TOX2: variants seen among roughly 807,000 people sequenced by gnomAD.
TOX2 encodes the protein TOX high mobility group box family member 2.
In TOX2, 15 loss-of-function variants were observed where a neutral mutation model predicts 47.4. That is an observed-to-expected ratio of 0.32 (90% CI 0.21 to 0.49). TOX2 has a LOEUF of 0.49. Ranked by LOEUF, TOX2 falls within the 20% of genes least tolerant of loss-of-function variation. TOX2 has a pLI of 0.99. For missense variants in TOX2, 622 were observed against 673.1 expected (o/e 0.92, Z 0.84); for synonymous variants, 290 against 296.6 (o/e 0.98, Z 0.23).
In TOX2 at chr20:44,069,064, T is replaced by C. The variant is rs1300214135; in HGVS notation, c.*378T>C. 2 of 398,394 alleles carry C rather than the reference T, an allele frequency of 5.0e-6. No individual in the cohort carries two copies. Among genetic ancestry groups the C allele is most frequent in the Non-Finnish European group, 9.7e-6 (2 of 205,772 alleles). The allele number at this position is 398,394 out of a possible 1,614,324, so 24.7% of individuals were successfully genotyped here. ...CCAACGGACACCCACCCCAGATGCA[T>C]GGGCCAGAGGGCCGGCCCCCGGCAT... On this transcript the variant is annotated 3_prime_UTR_variant, in exon 9 of 9. Coordinates refer to ENST00000341197, the MANE Select transcript of TOX2 (RefSeq NM_001098797.2).
intron 3 of TOX2, chr20:44,039,093 T>C: frequency 7.8e-7 from 1 of 1,274,744 alleles, no homozygotes; most frequent in Non-Finnish European, 1.0e-6. Context: ...TGCCTGGTGC[T>C]GGGAGGCAGG....
intron 2 of TOX2, among the ~76,000 whole-genome samples, chr20:43,977,739 AG>A (rs760139754): frequency 2.0e-5 from 3 of 152,118 alleles, no homozygotes; most frequent in Non-Finnish European, 4.4e-5. Context: ...CCTGAGAATG[AG>A]ATATAATTCT....
intron 5 of TOX2, among the ~76,000 whole-genome samples, chr20:44,058,044 C>T (rs564207388): frequency 1.4e-4 from 22 of 152,232 alleles, no homozygotes; most frequent in South Asian, 4.1e-4. Flanking sequence ...AGACAGAGCA[C>T]GGAGACTCAC....
At chr20:44,053,445 C>T (rs200712977) in intron 4 of TOX2, among the ~76,000 whole-genome samples, 63,653 of 140,966 alleles carry the variant, frequency 0.45, 14,908 homozygotes, top group East Asian at 0.56. Flanking sequence ...TATATACACA[C>T]ACACACACAC....
At chr20:43,960,989 G>A (rs1444230704) in intron 1 of TOX2, among the ~76,000 whole-genome samples, 4 of 152,254 alleles carry the variant, frequency 2.6e-5, no homozygotes, top group African/African-American at 9.6e-5. Context: ...CACAGTGAGT[G>A]GTGCCTGTCT....
At chr20:43,970,667 G>A (rs1387302099) in intron 1 of TOX2, among the ~76,000 whole-genome samples, 1 of 152,158 alleles carries the variant, frequency 6.6e-6, no homozygotes, top group Non-Finnish European at 1.5e-5. Context: ...ATGATCAATG[G>A]CCATGGTCAC....
At chr20:43,931,622 G>A (rs563101569) in intron 1 of TOX2, among the ~76,000 whole-genome samples, 12 of 152,316 alleles carry the variant, frequency 7.9e-5, no homozygotes, top group African/African-American at 2.9e-4. Context: ...CTTGGACGTT[G>A]ACTTAAGAGC....
intron 8 of TOX2, among the ~76,000 whole-genome samples, chr20:44,067,854 C>T (rs1037243694): frequency 6.6e-6 from 1 of 152,182 alleles, no homozygotes; most frequent in African/African-American, 2.4e-5. Flanking sequence ...ACCTGGGGGA[C>T]GTAGTGCCAA....
chr20:43,945,894 T>A (rs767868203), intron 1 of TOX2: 1 of 1,610,326 alleles, frequency 6.2e-7, no homozygotes, highest in East Asian at 2.2e-5. Context: ...TGGCATTTTT[T>A]CCTCTTTCTC....
intron 2 of TOX2, among the ~76,000 whole-genome samples, chr20:43,997,871 A>T (rs1464263512): frequency 6.6e-6 from 1 of 152,170 alleles, no homozygotes; most frequent in African/African-American, 2.4e-5. Flanking sequence ...AAAGTGTTTA[A>T]GTATGTAGGA....
At chr20:44,009,536 G>A (rs190846548) in intron 3 of TOX2, among the ~76,000 whole-genome samples, 1 of 152,242 alleles carries the variant, frequency 6.6e-6, no homozygotes, top group Admixed American at 6.5e-5. Flanking sequence ...GCCATGTCTG[G>A]AATGGTTTTA....
chr20:43,935,645 G>T (rs1430034631), intron 1 of TOX2, among the ~76,000 whole-genome samples: 1 of 151,914 alleles, frequency 6.6e-6, no homozygotes, highest in East Asian at 1.9e-4. Context: ...GAGTGGATCT[G>T]CCGGGTGGGG....
intron 2 of TOX2, among the ~76,000 whole-genome samples, chr20:43,997,595 A>G (rs1459339214): frequency 6.6e-6 from 1 of 152,220 alleles, no homozygotes; most frequent in East Asian, 1.9e-4. Flanking sequence ...AGCCTTTTCA[A>G]AAAAACAATC....
rs2145601296 is a variant in TOX2 at position 44,006,552 on chromosome 20, C to T, written c.171C>T (p.Tyr57=). 6.2e-7 allele frequency: 1 copy of T among 1,612,270 alleles called. No homozygotes were observed. The highest frequency in any genetic ancestry group is 2.2e-5 in the East Asian group (1 of 44,888). Residue 57 remains tyrosine, a synonymous_variant, in exon 3 of 9, where the codon TAC becomes TAT. Transcript: ENST00000341197. ...ATGTCTTTTTGATGTTTTAGACCTACAACGGCCAGAGCGAGAACAACGAAG... is the reference window on the plus strand; with the variant it reads ...ATGTCTTTTTGATGTTTTAGACCTATAACGGCCAGAGCGAGAACAACGAAG... ...NPELLSTSQT[Y]NGQSENNEDY...
In TOX2 at chr20:43,946,096, G is replaced by T. The variant is rs545955232; in HGVS notation, c.100-27271G>T. ...GGAGGTGGTCAGGCCGTCACTGTGG[G>T]CTGAAGATAGGTGATGTCTGGATGG... On this transcript the variant is annotated intron_variant, in intron 1 of 8. Coordinates refer to ENST00000341197, the MANE Select transcript of TOX2 (RefSeq NM_001098797.2). 7.2e-5 allele frequency: 115 copies of T among 1,599,814 alleles called. No homozygotes were observed. The South Asian group carries it at 1.1e-3, about 15-fold the overall frequency.
intron 1 of TOX2, chr20:43,946,072 G>T: frequency 6.2e-7 from 1 of 1,610,908 alleles, no homozygotes; most frequent in Non-Finnish European, 8.5e-7. Flanking sequence ...CCATGAGGTG[G>T]AGGTGGTCAG....
At chr20:43,941,275 A>G (rs1330883770) in intron 1 of TOX2, among the ~76,000 whole-genome samples, 6 of 151,646 alleles carry the variant, frequency 4.0e-5, no homozygotes, top group Non-Finnish European at 1.5e-5. Context: ...TCCCAGGGTT[A>G]ATATCATGGT....
rs1162119194 is a variant in TOX2, at chr20:44,068,676, A to C, written c.1511A>C (p.Tyr504Ser). ...CTGCTCCCCAGGGACAAATCGCTCT[A>C]CCTCACCTAATCCCGCCTCCCTACC... is the stretch of plus-strand genomic sequence containing the variant. Reference protein sequence around the residue: ...CSLLPRDKSLYLT With the variant: ...CSLLPRDKSLSLT Residue 504 changes from tyrosine (Y) to serine (S), a missense_variant, in exon 9 of 9, where the codon TAC becomes TCC. Around this residue, in one of 3 missense-constraint regions of TOX2, gnomAD observed 294 missense variants for 300.0 expected, o/e 0.98. Transcript: ENST00000341197. 1.2e-6 allele frequency: 2 copies of C among 1,613,614 alleles called. No individual in the cohort carries two copies. Among genetic ancestry groups the C allele is most frequent in the Non-Finnish European group, 8.5e-7 (1 of 1,179,854 alleles).
intron 3 of TOX2, among the ~76,000 whole-genome samples, chr20:44,038,055 A>C (rs114372146): frequency 0.03 from 4,504 of 152,212 alleles, 187 homozygotes; most frequent in African/African-American, 0.096. Flanking sequence ...TGAAAACTGG[A>C]ATAAAGGTCA....
Sources: allele counts gnomAD v4.1 joint callset (sites outside exome capture counted in the v4.1 genomes callset), GRCh38; gene constraint gnomAD v4.1.1; regional missense constraint gnomAD v4.1.1; transcripts MANE v1.5; gene names NCBI Gene and HGNC (gene_info 2026-07-23, HGNC 2026-07-21).